Variants in EDRF1 observed in about 807,000 individuals in gnomAD.
The protein encoded by EDRF1 is erythroid differentiation regulatory factor 1.
In EDRF1, 69 loss-of-function variants were observed where a neutral mutation model predicts 148.7. The ratio of observed to expected loss-of-function variants is 0.46; its 90% CI spans 0.38 to 0.57. EDRF1 has a LOEUF of 0.57. Among genes scored for constraint, EDRF1 ranks in the 20% least tolerant of loss-of-function variants. The pLI, the probability that EDRF1 is intolerant of heterozygous loss-of-function variation, is 0.00. For synonymous variants in EDRF1, 515 were observed against 532.8 expected (o/e 0.97, Z 0.46); for missense variants, 1,118 against 1,478.7 (o/e 0.76, Z 4.00).
intron 14 of EDRF1, 101 bp downstream of exon 14, chr10:125,738,090 C>A: frequency 7.2e-7 from 1 of 1,385,572 alleles, no homozygotes; most frequent in East Asian, 2.3e-5. Context: ...GAATTGTGTT[C>A]TGCTGCGATT....
At chr10:125,756,679 C>T (rs550628516) in intron 24 of EDRF1, 19 of 331,576 alleles carry the variant, frequency 5.7e-5, no homozygotes, top group South Asian at 1.5e-4. Context: ...TACAGATGTC[C>T]GTCCCTCTTT....
At chr10:125,742,138 T>A (rs1257663030) in intron 17 of EDRF1, 1 of 990,322 alleles carries the variant, frequency 1.0e-6, no homozygotes, top group African/African-American at 1.7e-5. Context: ...TCCTTGGGGC[T>A]GAAATAAAGT....
intron 18 of EDRF1, 55 bp downstream of exon 18, chr10:125,743,331 A>C (rs1335731436): frequency 3.4e-6 from 5 of 1,476,158 alleles, no homozygotes; most frequent in African/African-American, 2.8e-5. Context: ...AAATTATGCT[A>C]ATTTTGTATG....
At chr10:125,755,635 G>A (rs1275394946) in intron 24 of EDRF1, among the ~76,000 whole-genome samples, 1 of 152,162 alleles carries the variant, frequency 6.6e-6, no homozygotes, top group Non-Finnish European at 1.5e-5. Context: ...AGTTTACTTT[G>A]TTGGAAGTTT....
chr10:125,738,456 T>C lies in EDRF1; in HGVS notation c.1981+11T>C, dbSNP rs755732740. The C allele has an allele frequency of 1.2e-6, 2 of 1,614,016 alleles. No individual in the cohort carries two copies. Among genetic ancestry groups the C allele is most frequent in the East Asian group, 2.2e-5 (1 of 44,882 alleles). On this transcript the variant is annotated intron_variant, in intron 15 of 24. Transcript: ENST00000356792. Reference sequence around the variant, plus strand: ...TGTTTTTGGACAAAAGTAAGTTGAATTGATGTGCAAATAAGGCCTTCAATA... The same window carrying C: ...TGTTTTTGGACAAAAGTAAGTTGAACTGATGTGCAAATAAGGCCTTCAATA...
At chr10:125,747,395 T>G in intron 19 of EDRF1, 141 bp from the exon 20 acceptor site, 1 of 972,326 alleles carries the variant, frequency 1.0e-6, no homozygotes, top group Non-Finnish European at 1.6e-6. Context: ...ACTTTTTTCA[T>G]TTCCTCATAA....
At chr10:125,740,980 C>G in intron 16 of EDRF1, 21 bp from the exon 17 acceptor site, 9 of 1,609,372 alleles carry the variant, frequency 5.6e-6, no homozygotes, top group Non-Finnish European at 7.7e-6. Context: ...GTTTTTTCTT[C>G]TTCCCTCCCT....
At position 125,745,844 on chromosome 10, in the gene EDRF1, A is replaced by T. The variant is rs772234625; in HGVS notation, c.2728A>T (p.Met910Leu). Reference protein sequence around the residue: ...ALLLCNTGRLMRICAQAHCGA... With the variant: ...ALLLCNTGRLLRICAQAHCGA... ...TTTATTATGTAACACGGGAAGGCTC[A>T]TGCGGATTTGTGCGCAGGCCCACTG... Residue 910 changes from methionine (M) to leucine (L), a missense_variant, in exon 19 of 25, where the codon ATG becomes TTG. By Grantham distance (15) the Met-to-Leu change is conservative. Around this residue, in one of 3 missense-constraint regions of EDRF1, gnomAD observed 954 missense variants for 1,241.4 expected, o/e 0.77. Transcript: ENST00000356792. 6.2e-7 allele frequency: 1 copy of T among 1,614,138 alleles called. No individual in the cohort carries two copies. Among genetic ancestry groups the T allele is most frequent in the Non-Finnish European group, 8.5e-7 (1 of 1,180,042 alleles).
chr10:125,719,792 G>C lies in EDRF1; in HGVS notation c.-16G>C, dbSNP rs1294096499. 2 of 1,606,542 alleles carry C rather than the reference G, an allele frequency of 1.2e-6. No individual in the cohort carries two copies. The highest frequency in any genetic ancestry group is 4.5e-5 in the East Asian group (2 of 44,718). On this transcript the variant is annotated 5_prime_UTR_variant, in exon 1 of 25. Coordinates refer to ENST00000356792, the MANE Select transcript of EDRF1 (RefSeq NM_001202438.2). ...CCTCCGCTCCCCCGTCGTATCGCCTGCCCTGGATCGAAGTGATGGGGGATG... is the reference window on the plus strand; with the variant it reads ...CCTCCGCTCCCCCGTCGTATCGCCTCCCCTGGATCGAAGTGATGGGGGATG...
rs1848207693 is a variant in EDRF1, at chr10:125,725,368, GAA to G, written c.562_563del (p.Lys188ValfsTer28). 6.2e-7 allele frequency: 1 copy of G among 1,613,874 alleles called. No individual in the cohort carries two copies. The highest frequency in any genetic ancestry group is 1.3e-5 in the African/African-American group (1 of 74,924). ...AGTTTTATCAAAGACTCATTGATCA[GAA>G]GTGGCAGAGGAAGAAAAAGAGCAAA... ...KEFYQRLIDQ[K>X]WQRKKKSKEH... On this transcript the variant is annotated frameshift_variant, in exon 5 of 25. Coordinates refer to ENST00000356792, the MANE Select transcript of EDRF1 (RefSeq NM_001202438.2). LOFTEE classifies it high-confidence loss of function.
chr10:125,729,126 A>G (rs549091762), intron 7 of EDRF1, 22 bp downstream of exon 7: 35 of 1,540,886 alleles, frequency 2.3e-5, no homozygotes, highest in Non-Finnish European at 2.9e-5. Flanking sequence ...ATGGTGTCCA[A>G]GGTGACAGCA....
intron 6 of EDRF1, among the ~76,000 whole-genome samples, chr10:125,727,310 T>C (rs1291099898): frequency 6.6e-6 from 1 of 152,240 alleles, no homozygotes; most frequent in Non-Finnish European, 1.5e-5. Context: ...AGAGTACTTT[T>C]CTTATATTGC....
At chr10:125,748,989 T>C in intron 21 of EDRF1, 2 of 249,746 alleles carry the variant, frequency 8.0e-6, no homozygotes, top group South Asian at 9.9e-5. Context: ...CTCCAGTTCA[T>C]GCCTGTAATC....
chr10:125,722,383 T>C lies in EDRF1; in HGVS notation c.318-685T>C, dbSNP rs74906724. Among the ~76,000 whole-genome samples, 511 of 152,326 alleles carry C rather than the reference T, an allele frequency of 3.4e-3. 23 individuals are homozygous for C. In the East Asian group the frequency reaches 0.073, roughly 22 times the overall value. On this transcript the variant is annotated intron_variant, in intron 2 of 24. Transcript: ENST00000356792. ...AAAACGGAAGCTGAGAAGAGCTAAA[T>C]AATTTGGCTCAAGCATACAGTAAAT...
chr10:125,731,977 C>T, intron 9 of EDRF1: 2 of 413,932 alleles, frequency 4.8e-6, no homozygotes, highest in Non-Finnish European at 5.1e-6. Context: ...AGTCTTTGTG[C>T]CTCTCTCTGG....
chr10:125,748,447 C>T (rs1849477621), intron 21 of EDRF1: 1 of 221,324 alleles, frequency 4.5e-6, no homozygotes, highest in South Asian at 6.4e-5. Context: ...GTACATGAAT[C>T]CTGGTGCCCA....
Position 125,752,909 on chromosome 10 carries a change from G to A in EDRF1, c.3388G>A (p.Gly1130Ser). 10 of 1,612,130 alleles carry A rather than the reference G, an allele frequency of 6.2e-6. No homozygotes were observed. Among genetic ancestry groups the A allele is most frequent in the Non-Finnish European group, 8.5e-6 (10 of 1,178,460 alleles). Residue 1130 changes from glycine (G) to serine (S), a missense_variant, in exon 23 of 25, where the codon GGC becomes AGC. By Grantham distance (56) the Gly-to-Ser change is moderately conservative. Around this residue, in one of 3 missense-constraint regions of EDRF1, gnomAD observed 954 missense variants for 1,241.4 expected, o/e 0.77. Transcript: ENST00000356792. ...CCAGAAGGAGCTTATAGAAGAATTT[G>A]GCCAGGTACATGGAGAAAATGACTG... is the stretch of plus-strand genomic sequence containing the variant. The part of the protein sequence containing the change: ...LIQKELIEEF[G>S]QPKSGDAAAA...
At chr10:125,748,163 T>C in intron 21 of EDRF1, 151 bp downstream of exon 21, 1 of 882,770 alleles carries the variant, frequency 1.1e-6, no homozygotes, top group Non-Finnish European at 1.8e-6. Flanking sequence ...GTGCCTTTTT[T>C]TGTGCTGTGC....
At chr10:125,727,919 G>C (rs1848331255) in intron 6 of EDRF1, among the ~76,000 whole-genome samples, 1 of 152,164 alleles carries the variant, frequency 6.6e-6, no homozygotes, top group Non-Finnish European at 1.5e-5. Flanking sequence ...ATTCCAGGCT[G>C]GGCGCAGTGG....
Sources: gnomAD v4.1 joint callset for allele counts (sites outside exome capture counted in the v4.1 genomes callset) on GRCh38, gnomAD v4.1.1 for gene constraint, gnomAD v4.1.1 regional missense constraint, MANE v1.5 for transcripts, NCBI Gene and HGNC (gene_info 2026-07-23, HGNC 2026-07-21) for gene names.